The following NRG3 variants were observed in gnomAD, a reference collection of about 807,000 sequenced individuals.
The protein encoded by NRG3 is pro-neuregulin-3, membrane-bound isoform.
A neutral mutation model predicts 66.9 loss-of-function variants in NRG3; 31 were observed. The ratio of observed to expected loss-of-function variants is 0.46; its 90% CI spans 0.35 to 0.63. The LOEUF (loss-of-function observed/expected upper bound fraction) is 0.63, where lower values mean the gene tolerates loss of function less well. NRG3 is among the 20% of genes least tolerant of loss of function. The pLI, the probability that NRG3 is intolerant of heterozygous loss-of-function variation, is 0.00. For synonymous variants in NRG3, 393 were observed against 359.4 expected, an observed-to-expected ratio of 1.09 and a Z score of -1.06; for missense variants, 910 against 878.9, an observed-to-expected ratio of 1.04 and a Z score of -0.45.
intron 2 of NRG3, among the ~76,000 whole-genome samples, chr10:82,455,262 T>C (rs1326938849): frequency 6.6e-6 from 1 of 152,212 alleles, no homozygotes; most frequent in Non-Finnish European, 1.5e-5. Flanking sequence ...GCAAACGTCA[T>C]AGTGTGTACT....
intron 2 of NRG3, among the ~76,000 whole-genome samples, chr10:82,444,308 G>T (rs1043827761): frequency 6.6e-6 from 1 of 152,088 alleles, no homozygotes; most frequent in Admixed American, 6.6e-5. Context: ...TCACCATGTT[G>T]ACCAGGCTGG....
At chr10:82,562,574 A>T (rs2045123703) in intron 2 of NRG3, among the ~76,000 whole-genome samples, 1 of 152,202 alleles carries the variant, frequency 6.6e-6, no homozygotes, top group South Asian at 2.1e-4. Flanking sequence ...ATTTGCAGAT[A>T]GTCACTACTT....
At chr10:82,635,829 G>A (rs2050157835) in intron 2 of NRG3, among the ~76,000 whole-genome samples, 1 of 152,128 alleles carries the variant, frequency 6.6e-6, no homozygotes, top group Non-Finnish European at 1.5e-5. Flanking sequence ...TGCTGGGCAG[G>A]GAGGCTGCAG....
At chr10:82,872,640 G>A (rs1841439868) in intron 4 of NRG3, among the ~76,000 whole-genome samples, 1 of 152,048 alleles carries the variant, frequency 6.6e-6, no homozygotes, top group East Asian at 1.9e-4. Flanking sequence ...ATCTCTGGAT[G>A]TCCAAAACCT....
intron 2 of NRG3, among the ~76,000 whole-genome samples, chr10:82,664,857 A>G (rs956115232): frequency 5.3e-5 from 8 of 152,138 alleles, no homozygotes; most frequent in Admixed American, 4.6e-4. Flanking sequence ...TGACAAAGGA[A>G]TCACAGCCTC....
chr10:82,072,412 G>T (rs2064859826), intron 1 of NRG3, among the ~76,000 whole-genome samples: 1 of 152,146 alleles, frequency 6.6e-6, no homozygotes, highest in Non-Finnish European at 1.5e-5. Context: ...AATGTTAGAA[G>T]CCGCATATTT....
At chr10:82,473,670 G>A (rs1486102555) in intron 2 of NRG3, among the ~76,000 whole-genome samples, 2 of 152,142 alleles carry the variant, frequency 1.3e-5, no homozygotes, top group East Asian at 1.9e-4. Flanking sequence ...ACAGTATGAG[G>A]GAGTTGGTGG....
chr10:82,133,798 T>G (rs548658669), intron 1 of NRG3, among the ~76,000 whole-genome samples: 1 of 152,300 alleles, frequency 6.6e-6, no homozygotes, highest in East Asian at 1.9e-4. Context: ...GATTGCTGGA[T>G]GGAATGGAAG....
At position 82,285,853 on chromosome 10, in the gene NRG3, C is replaced by T. The variant is rs11193424; in HGVS notation, c.824-72886C>T. 4.3e-4 allele frequency among the ~76,000 whole-genome samples: 66 copies of T among 152,310 alleles called. No homozygotes were observed. In the East Asian group the frequency reaches 0.012, roughly 28 times the overall value. ...ACCACAAGTCAGAGCTGCCCTACCT[C>T]AGAATAGAGCTTCTTTATTCCTTCA... On this transcript the variant is annotated intron_variant, in intron 1 of 8. Coordinates refer to ENST00000372141, the MANE Select transcript of NRG3 (RefSeq NM_001010848.4).
intron 1 of NRG3, among the ~76,000 whole-genome samples, chr10:82,052,506 C>T (rs1277400911): frequency 6.6e-6 from 1 of 152,178 alleles, no homozygotes; most frequent in African/African-American, 2.4e-5. Context: ...CTGGGAATCT[C>T]AAAGACCAAA....
intron 1 of NRG3, among the ~76,000 whole-genome samples, chr10:82,026,248 T>G (rs769610899): frequency 6.4e-4 from 98 of 152,178 alleles, no homozygotes; most frequent in Non-Finnish European, 1.1e-3. Context: ...GTGTATCCCC[T>G]TGCAAAATCA....
chr10:81,922,880 AG>A (rs748193282), intron 1 of NRG3, among the ~76,000 whole-genome samples: 5 of 152,188 alleles, frequency 3.3e-5, no homozygotes, highest in Non-Finnish European at 5.9e-5. Context: ...AACAGCATGG[AG>A]GGAGGATCTG....
In NRG3 at chr10:82,590,047, G is replaced by A. The variant is rs147654190; in HGVS notation, c.954-148530G>A. Among the ~76,000 whole-genome samples the A allele has an allele frequency of 4.0e-3, 616 of 152,218 alleles. 5 individuals carry two copies. The highest frequency in any genetic ancestry group is 0.013 in the African/African-American group (544 of 41,548). The stretch of plus-strand genomic sequence containing the variant: ...TTAATTGCCAGTGACATTTTGGGTT[G>A]TTTTTCAATACTTTAATGAGAACTA... On this transcript the variant is annotated intron_variant, in intron 2 of 8. Transcript: ENST00000372141.
At chr10:82,014,190 C>T (rs560765416) in intron 1 of NRG3, among the ~76,000 whole-genome samples, 14 of 152,234 alleles carry the variant, frequency 9.2e-5, no homozygotes, top group African/African-American at 3.1e-4. Flanking sequence ...TGACAAGTTA[C>T]TAATATGTAG....
chr10:82,494,827 G>GT (rs1172336929), intron 2 of NRG3, among the ~76,000 whole-genome samples: 3 of 152,156 alleles, frequency 2.0e-5, no homozygotes, highest in Non-Finnish European at 2.9e-5. Flanking sequence ...TGTATGAGCA[G>GT]TTTTTTTGCG....
At chr10:82,265,058 T>C (rs934960245) in intron 1 of NRG3, among the ~76,000 whole-genome samples, 1 of 152,090 alleles carries the variant, frequency 6.6e-6, no homozygotes, top group African/African-American at 2.4e-5. Flanking sequence ...GAGGGGTGTG[T>C]GTGTATGTAG....
chr10:82,355,046 G>T (rs2135550996), intron 1 of NRG3, among the ~76,000 whole-genome samples: 1 of 152,262 alleles, frequency 6.6e-6, no homozygotes, highest in Non-Finnish European at 1.5e-5. Flanking sequence ...ACAGAAGTTT[G>T]ATTAAGTACA....
At chr10:82,497,761 G>A (rs1007455413) in intron 2 of NRG3, among the ~76,000 whole-genome samples, 1 of 152,134 alleles carries the variant, frequency 6.6e-6, no homozygotes, top group African/African-American at 2.4e-5. Flanking sequence ...TATATACCCA[G>A]AAGTGAGATT....
chr10:82,101,728 G>C (rs921953781), intron 1 of NRG3, among the ~76,000 whole-genome samples: 20 of 151,416 alleles, frequency 1.3e-4, no homozygotes, highest in Admixed American at 2.6e-4. Flanking sequence ...ATTTGCTAAG[G>C]GTTGTTTAAT....
Sources: gnomAD v4.1 joint callset for allele counts (sites outside exome capture counted in the v4.1 genomes callset) on GRCh38, gnomAD v4.1.1 for gene constraint, MANE v1.5 for transcripts, NCBI Gene and HGNC (gene_info 2026-07-23, HGNC 2026-07-21) for gene names.